Variants in FBXL7 observed in about 807,000 individuals in gnomAD.
The protein encoded by FBXL7 is F-box/LRR-repeat protein 7.
FBXL7 carries 12 observed loss-of-function variants against 38.3 expected under a neutral mutation model. That is an observed-to-expected ratio of 0.31 (90% CI 0.20 to 0.51). FBXL7 has a LOEUF of 0.51. Ranked by LOEUF, FBXL7 falls within the 20% of genes least tolerant of loss-of-function variation. The pLI is 0.98. For missense variants in FBXL7, 567 were observed against 676.4 expected (o/e 0.84, Z 1.79); for synonymous variants, 297 against 300.9 (o/e 0.99, Z 0.13).
chr5:15,833,137 C>T (rs561164898), intron 2 of FBXL7, among the ~76,000 whole-genome samples: 10 of 152,072 alleles, frequency 6.6e-5, no homozygotes, highest in Non-Finnish European at 1.5e-4. Flanking sequence ...GCGTCAGTCT[C>T]GGGTATGTCT....
intron 1 of FBXL7, among the ~76,000 whole-genome samples, chr5:15,574,025 C>T (rs978515991): frequency 1.3e-5 from 2 of 152,144 alleles, no homozygotes; most frequent in African/African-American, 4.8e-5. Context: ...TCTTACTTAA[C>T]TCTTTAAGAC....
intron 3 of FBXL7, among the ~76,000 whole-genome samples, chr5:15,929,690 C>T (rs1741989181): frequency 6.6e-6 from 1 of 151,704 alleles, no homozygotes; most frequent in Non-Finnish European, 1.5e-5. Flanking sequence ...GCTTGGAAAC[C>T]TCTCTCAGGC....
chr5:15,788,113 G>A (rs1737178999), intron 2 of FBXL7, among the ~76,000 whole-genome samples: 1 of 152,098 alleles, frequency 6.6e-6, no homozygotes, highest in Non-Finnish European at 1.5e-5. Flanking sequence ...TTCCCGGTGT[G>A]TCTCTGTGTC....
At chr5:15,627,626 GGCCA>G (rs1740862493) in intron 2 of FBXL7, among the ~76,000 whole-genome samples, 1 of 152,142 alleles carries the variant, frequency 6.6e-6, no homozygotes, top group Non-Finnish European at 1.5e-5. Flanking sequence ...GTGACAAATA[GGCCA>G]TTCTGCATCC....
chr5:15,870,741 T>A (rs916493561), intron 2 of FBXL7, among the ~76,000 whole-genome samples: 7 of 152,220 alleles, frequency 4.6e-5, no homozygotes, highest in African/African-American at 1.7e-4. Context: ...AGAGCCACTA[T>A]AGCCAGAATG....
At chr5:15,860,428 G>A (rs1739426943) in intron 2 of FBXL7, among the ~76,000 whole-genome samples, 1 of 152,150 alleles carries the variant, frequency 6.6e-6, no homozygotes. Flanking sequence ...TGTCAAAGAA[G>A]TCCAGTGCAT....
intron 2 of FBXL7, among the ~76,000 whole-genome samples, chr5:15,673,768 T>C (rs1742562970): frequency 6.6e-6 from 1 of 151,952 alleles, no homozygotes; most frequent in Non-Finnish European, 1.5e-5. Context: ...TGGCTCTTAA[T>C]TATTATTATT....
In FBXL7 at chr5:15,678,667, C is replaced by T. The variant is rs193142167; in HGVS notation, c.127+62595C>T. Among the ~76,000 whole-genome samples, 583 of 152,268 alleles carry T rather than the reference C, an allele frequency of 3.8e-3. 1 individual carries two copies. The highest frequency in any genetic ancestry group is 4.7e-3 in the Non-Finnish European group (321 of 68,030). On this transcript the variant is annotated intron_variant, in intron 2 of 3. Coordinates refer to ENST00000504595, the MANE Select transcript of FBXL7 (RefSeq NM_012304.5). Reference sequence around the variant, plus strand: ...GATAATTGAATCATGGGACTGGTTTCCCCCATACTGTTCTCATGGTAGTGA... The same window carrying T: ...GATAATTGAATCATGGGACTGGTTTTCCCCATACTGTTCTCATGGTAGTGA...
intron 2 of FBXL7, among the ~76,000 whole-genome samples, chr5:15,739,462 T>C (rs1329783380): frequency 6.6e-6 from 1 of 152,234 alleles, no homozygotes; most frequent in Non-Finnish European, 1.5e-5. Flanking sequence ...ATTCACAGAA[T>C]TGTACAACCG....
intron 2 of FBXL7, among the ~76,000 whole-genome samples, chr5:15,646,843 A>G (rs553025256): frequency 1.6e-4 from 25 of 152,330 alleles, no homozygotes; most frequent in Middle Eastern, 3.4e-3. Context: ...GGGATACTCC[A>G]GAAGAAACAG....
chr5:15,655,207 A>T (rs1741834767), intron 2 of FBXL7, among the ~76,000 whole-genome samples: 1 of 152,216 alleles, frequency 6.6e-6, no homozygotes, highest in Non-Finnish European at 1.5e-5. Flanking sequence ...GTAGAAATAT[A>T]ACTTTTGGCT....
intron 2 of FBXL7, among the ~76,000 whole-genome samples, chr5:15,841,042 C>T (rs995702345): frequency 6.6e-6 from 1 of 152,048 alleles, no homozygotes; most frequent in Admixed American, 6.6e-5. Context: ...ATAGAACTTT[C>T]CCATTAGTTC....
chr5:15,632,614 A>C (rs1741036494), intron 2 of FBXL7, among the ~76,000 whole-genome samples: 1 of 152,234 alleles, frequency 6.6e-6, no homozygotes, highest in Non-Finnish European at 1.5e-5. Flanking sequence ...ACATAGACTC[A>C]ACCTAGTTGC....
At chr5:15,825,257 C>T (rs978539242) in intron 2 of FBXL7, among the ~76,000 whole-genome samples, 1 of 152,108 alleles carries the variant, frequency 6.6e-6, no homozygotes, top group South Asian at 2.1e-4. Context: ...ATTAATAGAA[C>T]TGTTGTAGTC....
chr5:15,672,190 C>A (rs976671043), intron 2 of FBXL7, among the ~76,000 whole-genome samples: 3 of 152,130 alleles, frequency 2.0e-5, no homozygotes, highest in African/African-American at 7.2e-5. Flanking sequence ...TTGTAGGTAT[C>A]GTTTGACCAT....
intron 1 of FBXL7, among the ~76,000 whole-genome samples, chr5:15,582,985 TA>T (rs1165102670): frequency 6.6e-6 from 1 of 151,662 alleles, no homozygotes; most frequent in Non-Finnish European, 1.5e-5. Flanking sequence ...TTCATACTGC[TA>T]TAAAGAACTT....
intron 2 of FBXL7, among the ~76,000 whole-genome samples, chr5:15,768,141 CA>C (rs1450202793): frequency 1.3e-5 from 2 of 152,168 alleles, no homozygotes; most frequent in African/African-American, 4.8e-5. Flanking sequence ...TGAATACGTT[CA>C]AGTGATGTTG....
At chr5:15,613,485 G>T (rs1210851566) in intron 1 of FBXL7, among the ~76,000 whole-genome samples, 1 of 152,162 alleles carries the variant, frequency 6.6e-6, no homozygotes, top group Non-Finnish European at 1.5e-5. Context: ...AACTCTGAGG[G>T]TAGAGGCTGT....
At chr5:15,672,200 T>C (rs932658041) in intron 2 of FBXL7, among the ~76,000 whole-genome samples, 1 of 152,172 alleles carries the variant, frequency 6.6e-6, no homozygotes, top group Non-Finnish European at 1.5e-5. Flanking sequence ...CGTTTGACCA[T>C]ATAAGAATAC....
Sources: gnomAD v4.1 joint callset for allele counts (sites outside exome capture counted in the v4.1 genomes callset) on GRCh38, gnomAD v4.1.1 for gene constraint, MANE v1.5 for transcripts, NCBI Gene and HGNC (gene_info 2026-07-23, HGNC 2026-07-21) for gene names.